The following TTLL5 variants were observed in gnomAD, a reference collection of about 807,000 sequenced individuals.
TTLL5 encodes tubulin tyrosine ligase like 5.
A neutral mutation model predicts 168.4 loss-of-function variants in TTLL5; 132 were observed. The observed-to-expected ratio is 0.78, with a 90% confidence interval of 0.68 to 0.91. The LOEUF (loss-of-function observed/expected upper bound fraction) is 0.91. Ranked by LOEUF, TTLL5 falls within the 40% of genes least tolerant of loss-of-function variation. The pLI is 0.00. For synonymous variants in TTLL5, 546 were observed against 558.6 expected, an observed-to-expected ratio of 0.98 and a Z score of 0.32; for missense variants, 1,545 against 1,581.5, an observed-to-expected ratio of 0.98 and a Z score of 0.39.
chr14:75,843,877 G>A (rs8015755), intron 28 of TTLL5, among the ~76,000 whole-genome samples: 18 of 130,706 alleles, frequency 1.4e-4, no homozygotes, highest in South Asian at 7.8e-4. Flanking sequence ...GTTTTGTTTT[G>A]TTTTATTTTA....
At chr14:75,794,139 A>G (rs375313482) in intron 27 of TTLL5, among the ~76,000 whole-genome samples, 1 of 152,166 alleles carries the variant, frequency 6.6e-6, no homozygotes, top group Admixed American at 6.5e-5. Flanking sequence ...TCTTTCTCAA[A>G]TCCTTAGTTG....
intron 13 of TTLL5, 43 bp from the exon 14 acceptor site, chr14:75,733,946 C>T: frequency 6.3e-7 from 1 of 1,598,208 alleles, no homozygotes; most frequent in South Asian, 1.1e-5. Flanking sequence ...TTCTGTTAAC[C>T]TACACACTTA....
At chr14:75,699,673 T>A (rs568244103) in intron 7 of TTLL5, among the ~76,000 whole-genome samples, 9 of 152,302 alleles carry the variant, frequency 5.9e-5, no homozygotes, top group Admixed American at 3.3e-4. Flanking sequence ...GAACCTTAAT[T>A]TGGTATGGTA....
intron 10 of TTLL5, among the ~76,000 whole-genome samples, chr14:75,718,324 T>A (rs1887603762): frequency 6.6e-6 from 1 of 152,244 alleles, no homozygotes; most frequent in African/African-American, 2.4e-5. Context: ...AAAAAATGTC[T>A]GTACCCTTTG....
chr14:75,887,876 G>A (rs957286131), intron 30 of TTLL5, among the ~76,000 whole-genome samples: 9 of 152,194 alleles, frequency 5.9e-5, no homozygotes, highest in African/African-American at 2.2e-4. Flanking sequence ...TACTCAAAAG[G>A]AGGAAGAATT....
rs527505885 is a variant in TTLL5, at chr14:75,954,597, G to A, written c.*151G>A. 3.8e-5 allele frequency: 29 copies of A among 766,470 alleles called. No individual in the cohort carries two copies. The African/African-American group carries it at 4.9e-4, about 13-fold the overall frequency. The allele number at this position is 766,470 out of a possible 1,614,324, so 47.5% of individuals were successfully genotyped here. On this transcript the variant is annotated 3_prime_UTR_variant, in exon 32 of 32. Transcript: ENST00000298832. ...CTTCGAGCAGAAGTGGCAGTAGATGGTTGCCAATCAGCCAATGCAGACTTT... is the reference window on the plus strand; with the variant it reads ...CTTCGAGCAGAAGTGGCAGTAGATGATTGCCAATCAGCCAATGCAGACTTT...
intron 23 of TTLL5, among the ~76,000 whole-genome samples, chr14:75,778,885 C>T (rs1204718089): frequency 1.3e-5 from 2 of 152,110 alleles, no homozygotes; most frequent in Non-Finnish European, 2.9e-5. Context: ...ACTTTAGTCT[C>T]GTGCATTATA....
intron 2 of TTLL5, among the ~76,000 whole-genome samples, chr14:75,663,558 T>C (rs868288975): frequency 6.6e-6 from 1 of 152,198 alleles, no homozygotes; most frequent in Non-Finnish European, 1.5e-5. Flanking sequence ...TGTTTAAGTA[T>C]TGAAGAAAAG....
chr14:75,748,091 G>A (rs552310658), intron 17 of TTLL5, among the ~76,000 whole-genome samples: 5 of 152,194 alleles, frequency 3.3e-5, no homozygotes, highest in Non-Finnish European at 1.5e-5. Flanking sequence ...GTTGTACTTC[G>A]TGTATTTCCC....
chr14:75,681,693 C>CT (rs1406623710), intron 4 of TTLL5, 66 bp downstream of exon 4: 2 of 1,398,604 alleles, frequency 1.4e-6, no homozygotes, highest in East Asian at 4.6e-5. Flanking sequence ...ACCTAACTGA[C>CT]TTTACCAGTT....
At chr14:75,949,479 A>T (rs1474556823) in intron 31 of TTLL5, among the ~76,000 whole-genome samples, 5 of 147,930 alleles carry the variant, frequency 3.4e-5, no homozygotes, top group Non-Finnish European at 1.5e-5. Flanking sequence ...CCTTATATAA[A>T]GAATATATAT....
chr14:75,925,294 A>G (rs2033998630), intron 31 of TTLL5, among the ~76,000 whole-genome samples: 1 of 150,420 alleles, frequency 6.6e-6, no homozygotes, highest in African/African-American at 2.5e-5. Flanking sequence ...CTCACTTCTC[A>G]GACGGGGCGG....
chr14:75,719,954 C>A (rs149667741), intron 11 of TTLL5, 128 bp downstream of exon 11: 16,545 of 980,420 alleles, frequency 0.017, 165 homozygotes, highest in Middle Eastern at 0.031. Context: ...CTTGGTGTTA[C>A]TTTTTCCTGC....
At chr14:75,785,474 C>T (rs763486306) in intron 26 of TTLL5, among the ~76,000 whole-genome samples, 23 of 152,140 alleles carry the variant, frequency 1.5e-4, no homozygotes, top group African/African-American at 4.6e-4. Flanking sequence ...CCACTGCGCC[C>T]GGCCCCTCCT....
intron 29 of TTLL5, among the ~76,000 whole-genome samples, chr14:75,874,939 T>TTTTTC (rs1341305366): frequency 4.5e-5 from 6 of 134,328 alleles, no homozygotes; most frequent in East Asian, 2.4e-4. Context: ...GGGCCTTTTT[T>TTTTTC]TTTTTTTTTT....
intron 18 of TTLL5, among the ~76,000 whole-genome samples, chr14:75,758,471 A>G (rs1158079526): frequency 6.6e-6 from 1 of 152,204 alleles, no homozygotes; most frequent in Non-Finnish European, 1.5e-5. Context: ...TTCCTATAAC[A>G]TACTGCTGTT....
chr14:75,772,583 T>C (rs1178676991), intron 21 of TTLL5, among the ~76,000 whole-genome samples: 7 of 152,166 alleles, frequency 4.6e-5, no homozygotes, highest in Admixed American at 1.3e-4. Context: ...TAGGACAGTT[T>C]TGTGTGTGTG....
intron 31 of TTLL5, among the ~76,000 whole-genome samples, chr14:75,921,171 AG>A (rs941955545): frequency 1.3e-5 from 2 of 152,164 alleles, no homozygotes; most frequent in African/African-American, 4.8e-5. Context: ...CCCATTCTGT[AG>A]GTTGCCTGTT....
chr14:75,705,055 A>C (rs1886555707), intron 7 of TTLL5, among the ~76,000 whole-genome samples: 1 of 152,252 alleles, frequency 6.6e-6, no homozygotes, highest in African/African-American at 2.4e-5. Flanking sequence ...TTACGTTTAC[A>C]ACATAGCCTG....
Sources: allele counts gnomAD v4.1 joint callset (sites outside exome capture counted in the v4.1 genomes callset), GRCh38; gene constraint gnomAD v4.1.1; transcripts MANE v1.5; gene names NCBI Gene and HGNC (gene_info 2026-07-23, HGNC 2026-07-21).